Variants in TMEM40 observed in about 807,000 individuals in gnomAD.
The protein encoded by TMEM40 is transmembrane protein 40.
TMEM40 carries 34 observed loss-of-function variants against 40.8 expected under a neutral mutation model. The observed-to-expected ratio is 0.83, with a 90% confidence interval of 0.63 to 1.11. The LOEUF is 1.11. Among genes scored for constraint, TMEM40 ranks in the 50% least tolerant of loss-of-function variants. The pLI is 0.00. For synonymous variants in TMEM40, 106 were observed against 107.0 expected (o/e 0.99, Z 0.06); for missense variants, 296 against 280.2 (o/e 1.06, Z -0.40).
At chr3:12,760,281 C>T (rs1015790698), upstream of TMEM40, among the ~76,000 whole-genome samples, 37 of 152,156 alleles carry the variant, frequency 2.4e-4, no homozygotes, top group Non-Finnish European at 4.1e-4. Flanking sequence ...GCTCATGTCC[C>T]TCCCCGCTCA....
intron 4 of TMEM40, among the ~76,000 whole-genome samples, chr3:12,743,278 G>A (rs1360782169): frequency 1.3e-5 from 2 of 152,100 alleles, no homozygotes; most frequent in Admixed American, 6.6e-5. Flanking sequence ...GACAGGCCTG[G>A]GCAACATGGT....
At chr3:12,755,237 T>TCTG (rs1559533397) in intron 1 of TMEM40, among the ~76,000 whole-genome samples, 4 of 46,558 alleles carry the variant, frequency 8.6e-5, no homozygotes, top group African/African-American at 2.7e-4. Flanking sequence ...CTCTCTCTCT[T>TCTG]TCTTTCTTTC....
At chr3:12,735,470 T>C in intron 11 of TMEM40, 85 bp downstream of exon 11, 1 of 1,405,394 alleles carries the variant, frequency 7.1e-7, no homozygotes, top group Non-Finnish European at 1.0e-6. Flanking sequence ...CCAGGCTGTG[T>C]TCTTTCCTGT....
intron 1 of TMEM40, among the ~76,000 whole-genome samples, chr3:12,768,682 T>G (rs904099942): frequency 6.6e-6 from 1 of 151,968 alleles, no homozygotes; most frequent in African/African-American, 2.4e-5. Context: ...TAGCTAGACA[T>G]AAAGGTTCTC....
intron 11 of TMEM40, among the ~76,000 whole-genome samples, chr3:12,735,297 A>G (rs2061329501): frequency 6.6e-6 from 1 of 152,242 alleles, no homozygotes; most frequent in African/African-American, 2.4e-5. Flanking sequence ...TTCACACTTC[A>G]GGCCTTTGCA....
intron 4 of TMEM40, among the ~76,000 whole-genome samples, chr3:12,742,897 C>G (rs1420811637): frequency 6.6e-6 from 1 of 152,158 alleles, no homozygotes; most frequent in Non-Finnish European, 1.5e-5. Context: ...GATAAGGACA[C>G]TGAGGCTCAA....
At chr3:12,748,480 C>T (rs1422456132) in intron 3 of TMEM40, among the ~76,000 whole-genome samples, 175 bp downstream of exon 3, 1 of 152,136 alleles carries the variant, frequency 6.6e-6, no homozygotes, top group Non-Finnish European at 1.5e-5. Context: ...ATTGCCTATA[C>T]GATCAATGAT....
chr3:12,758,740 G>C (rs1158195279), intron 1 of TMEM40, among the ~76,000 whole-genome samples: 1 of 152,228 alleles, frequency 6.6e-6, no homozygotes, highest in Non-Finnish European at 1.5e-5. Context: ...GCTGCCTGTA[G>C]TCACTGATGG....
intron 5 of TMEM40, chr3:12,741,414 C>T (rs1198024431): frequency 1.3e-5 from 2 of 152,198 alleles, no homozygotes; most frequent in African/African-American, 2.4e-5. Context: ...ACAAACACCA[C>T]AAGAGGCACT....
At chr3:12,755,229 CTCTCTCTTTCTT>C (rs1393767933) in intron 1 of TMEM40, among the ~76,000 whole-genome samples, 158 of 65,526 alleles carry the variant, frequency 2.4e-3, no homozygotes, top group African/African-American at 8.3e-3. Flanking sequence ...CTCTCTCTCT[CTCTCTCTTTCTT>C]TCTTTCTTTC....
chr3:12,742,511 G>GA lies in TMEM40; in HGVS notation c.302-5dup. The GA allele has an allele frequency of 1.2e-6, 2 of 1,613,890 alleles. No homozygotes were observed. Among genetic ancestry groups the GA allele is most frequent in the Non-Finnish European group, 1.7e-6 (2 of 1,179,866 alleles). On this transcript the variant is annotated splice_polypyrimidine_tract_variant and splice_region_variant and intron_variant, in intron 4 of 11. Transcript: ENST00000314124. ...TCAGGCTCCCCATGCCCAGGACCTG[G>GA]ATGGAGACAAACCCCTTAGTCAGCA...
At chr3:12,754,119 TG>T (rs902526329) in intron 1 of TMEM40, among the ~76,000 whole-genome samples, 6 of 152,216 alleles carry the variant, frequency 3.9e-5, no homozygotes, top group African/African-American at 1.4e-4. Context: ...GAGACCATCC[TG>T]GCTAACACGG....
intron 1 of TMEM40, among the ~76,000 whole-genome samples, chr3:12,750,262 C>T (rs896763669): frequency 1.3e-5 from 2 of 151,806 alleles, no homozygotes; most frequent in Non-Finnish European, 2.9e-5. Flanking sequence ...GTGTGAGCCA[C>T]CATGTCCAGC....
chr3:12,734,652 T>G lies in TMEM40; in HGVS notation c.*122A>C. The G allele has an allele frequency of 8.8e-7, 1 of 1,137,178 alleles. No homozygotes were observed. Among genetic ancestry groups the G allele is most frequent in the East Asian group, 2.6e-5 (1 of 38,494 alleles). The allele number at this position is 1,137,178 out of a possible 1,614,324, so 70.4% of individuals were successfully genotyped here. On this transcript the variant is annotated 3_prime_UTR_variant, in exon 12 of 12. Transcript: ENST00000314124. ...AGACCACATGGAAGGAAAAGTGTTC[T>G]GTTTATTGGTCTGGCTTGGTCTCCT...
intron 10 of TMEM40, among the ~76,000 whole-genome samples, chr3:12,735,842 C>T (rs940667753): frequency 6.6e-6 from 1 of 152,200 alleles, no homozygotes; most frequent in South Asian, 2.1e-4. Flanking sequence ...CAGTTCCCAA[C>T]TCCATTAACT....
At chr3:12,755,158 CTCTTTCTTTCTT>C (rs1367819217) in intron 1 of TMEM40, among the ~76,000 whole-genome samples, 1 of 137,758 alleles carries the variant, frequency 7.3e-6, no homozygotes, top group African/African-American at 2.8e-5. Context: ...TTCTTTCTTT[CTCTTTCTTTCTT>C]TCTCTCTCTC....
At chr3:12,758,337 C>G (rs547370500) in intron 1 of TMEM40, among the ~76,000 whole-genome samples, 2 of 152,354 alleles carry the variant, frequency 1.3e-5, no homozygotes, top group East Asian at 3.9e-4. Flanking sequence ...CTGAACTCTT[C>G]TGGGCAGTTT....
chr3:12,761,394 C>T (rs2061567564), upstream of TMEM40, among the ~76,000 whole-genome samples: 1 of 152,072 alleles, frequency 6.6e-6, no homozygotes. Context: ...CACTTGAGTC[C>T]AGGAGTTCAA....
At chr3:12,767,899 G>A (rs1238986319) in intron 1 of TMEM40, among the ~76,000 whole-genome samples, 24 of 152,130 alleles carry the variant, frequency 1.6e-4, no homozygotes, top group Non-Finnish European at 7.3e-5. Context: ...GCTTGTCCAG[G>A]AAGCAAAACT....
Sources: gnomAD v4.1 joint callset for allele counts (sites outside exome capture counted in the v4.1 genomes callset) on GRCh38, gnomAD v4.1.1 for gene constraint, MANE v1.5 for transcripts, NCBI Gene and HGNC (gene_info 2026-07-23, HGNC 2026-07-21) for gene names.